The following GAB2 variants were observed in gnomAD, a reference collection of about 807,000 sequenced individuals.
GAB2 encodes the protein GRB2 associated binding protein 2, also known as GRB2-associated-binding protein 2.
In GAB2, 26 loss-of-function variants were observed where a neutral mutation model predicts 65.5. That is an observed-to-expected ratio of 0.40 (90% CI 0.29 to 0.55). The LOEUF (loss-of-function observed/expected upper bound fraction) is 0.55. Ranked by LOEUF, GAB2 falls within the 20% of genes least tolerant of loss-of-function variation. GAB2 has a pLI of 0.53. For synonymous variants in GAB2, 321 were observed against 329.6 expected (o/e 0.97, Z 0.28); for missense variants, 884 against 875.8 (o/e 1.01, Z -0.12).
chr11:78,335,478 C>A (rs1855982151), intron 1 of GAB2, among the ~76,000 whole-genome samples: 1 of 152,206 alleles, frequency 6.6e-6, no homozygotes, highest in Non-Finnish European at 1.5e-5. Flanking sequence ...GTTTTCCCAG[C>A]AACACTTACT....
intron 1 of GAB2, among the ~76,000 whole-genome samples, chr11:78,289,611 A>T (rs1866594140): frequency 6.6e-6 from 1 of 152,102 alleles, no homozygotes; most frequent in African/African-American, 2.4e-5. Flanking sequence ...ATATATCCCT[A>T]AAACTAGAAG....
At position 78,287,647 on chromosome 11, in the gene GAB2, T is replaced by C. The variant is rs144517052; in HGVS notation, c.76-6746A>G. 4.0e-3 allele frequency among the ~76,000 whole-genome samples: 579 copies of C among 144,582 alleles called. 7 individuals are homozygous for C. Among genetic ancestry groups the C allele is most frequent in the African/African-American group, 0.015 (555 of 37,996 alleles). The allele number at this position is 144,582 out of a possible 152,430, so 94.9% of individuals were successfully genotyped here. A position where few individuals can be genotyped will look rare whatever the true frequency, so the allele number is the denominator to read the frequency against. On this transcript the variant is annotated intron_variant, in intron 1 of 9. Transcript: ENST00000361507. ...AATAAGGCAAGGACATTTGCTCTTATCATTTTTTTTTTTTTTTTTGAGACA... is the reference window on the plus strand; with the variant it reads ...AATAAGGCAAGGACATTTGCTCTTACCATTTTTTTTTTTTTTTTTGAGACA...
In GAB2 at chr11:78,226,504, T is replaced by C. The variant is rs150757715; in HGVS notation, c.1168A>G (p.Asn390Asp). The change falls in exon 4 of 10, where the codon AAC becomes GAC. Residue 390 changes from asparagine to aspartate, a missense_variant. By Grantham distance (23) the Asn-to-Asp change is conservative. Coordinates refer to ENST00000361507, the MANE Select transcript of GAB2 (RefSeq NM_080491.3). Reference sequence around the variant, plus strand: ...CTGTTGTCCATTGCAGGGAGGGTGTTGCGTCTGGGGATGGTGGCAGCGACA... The same window carrying C: ...CTGTTGTCCATTGCAGGGAGGGTGTCGCGTCTGGGGATGGTGGCAGCGACA... ...RSVAATIPRR[N>D]TLPAMDNSRL... is the part of the protein sequence containing the mutation. The C allele has an allele frequency of 1.2e-6, 2 of 1,610,934 alleles. No homozygotes were observed. Among genetic ancestry groups the C allele is most frequent in the African/African-American group, 1.3e-5 (1 of 74,402 alleles).
intron 1 of GAB2, among the ~76,000 whole-genome samples, chr11:78,361,729 T>C (rs1469348453): frequency 6.6e-6 from 1 of 152,204 alleles, no homozygotes; most frequent in African/African-American, 2.4e-5. Flanking sequence ...TTGGTAATCA[T>C]CTTGGCAAGA....
intron 1 of GAB2, among the ~76,000 whole-genome samples, chr11:78,407,287 T>C (rs992364354): frequency 6.6e-6 from 1 of 151,800 alleles, no homozygotes; most frequent in African/African-American, 2.4e-5. Context: ...CCAAGACACA[T>C]AGCAAAATTC....
chr11:78,295,784 T>C (rs1340667898), intron 1 of GAB2, among the ~76,000 whole-genome samples: 2 of 152,156 alleles, frequency 1.3e-5, no homozygotes, highest in African/African-American at 4.8e-5. Context: ...AGAGTTTTGC[T>C]GGGTGAAGAA....
chr11:78,266,882 G>A (rs1265508003), intron 2 of GAB2, among the ~76,000 whole-genome samples: 1 of 152,240 alleles, frequency 6.6e-6, no homozygotes, highest in African/African-American at 2.4e-5. Flanking sequence ...TAAGGGCACT[G>A]AATACGTGAA....
At chr11:78,385,376 G>T (rs1197380512) in intron 1 of GAB2, among the ~76,000 whole-genome samples, 17 of 152,206 alleles carry the variant, frequency 1.1e-4, no homozygotes, top group Non-Finnish European at 2.5e-4. Flanking sequence ...ACACTGAAGA[G>T]AAACTCTATA....
rs1864522681 is a variant in GAB2 at position 78,223,417 on chromosome 11, C to T, written c.1562G>A (p.Arg521Gln). ...AGGGGAAAGAATGGACTTACCTTTC[C>T]GATCAGGTTTGAGGTTGCGGTTGAC... ...PPVNRNLKPD[R>Q]KAKPTPLDLR... Residue 521 changes from arginine to glutamine, a missense_variant, in exon 6 of 10, where the codon CGG becomes CAG. Arg to Gln is a conservative substitution (Grantham distance 43, BLOSUM62 1). Coordinates refer to ENST00000361507, the MANE Select transcript of GAB2 (RefSeq NM_080491.3). 3 of 1,523,384 alleles carry T rather than the reference C, an allele frequency of 2.0e-6. No individual in the cohort carries two copies. The highest frequency in any genetic ancestry group is 1.4e-5 in the African/African-American group (1 of 71,814). 94.4% of individuals were successfully genotyped at this position (1,523,384 alleles called of 1,614,324 possible).
At chr11:78,247,469 A>G (rs1217223259) in intron 3 of GAB2, among the ~76,000 whole-genome samples, 2 of 152,202 alleles carry the variant, frequency 1.3e-5, no homozygotes, top group African/African-American at 4.8e-5. Flanking sequence ...GCTGGGTCCA[A>G]AATATGGGTT....
chr11:78,281,217 A>G (rs982248225), intron 1 of GAB2, among the ~76,000 whole-genome samples: 1 of 150,572 alleles, frequency 6.6e-6, no homozygotes, highest in Non-Finnish European at 1.5e-5. Context: ...CTGGGATTAT[A>G]AGTATGAGCC....
chr11:78,238,416 G>C (rs1865044091), intron 3 of GAB2, among the ~76,000 whole-genome samples: 1 of 151,202 alleles, frequency 6.6e-6, no homozygotes, highest in African/African-American at 2.4e-5. Context: ...AGGATCTTGA[G>C]CCCAGGAGTT....
At position 78,309,971 on chromosome 11, in the gene GAB2, T is replaced by TGTGTGTGTGTGTGC. The variant is rs1421836447; in HGVS notation, c.76-29071_76-29070insGCACACACACACAC. Among the ~76,000 whole-genome samples the TGTGTGTGTGTGTGC allele has an allele frequency of 6.7e-5, 8 of 120,090 alleles. No individual in the cohort carries two copies. In the East Asian group the frequency reaches 6.9e-4, roughly 10 times the overall value. 78.8% of individuals were successfully genotyped at this position (120,090 alleles called of 152,430 possible). A position where few individuals can be genotyped will look rare whatever the true frequency, so the allele number is the denominator to read the frequency against. On this transcript the variant is annotated intron_variant, in intron 1 of 9. Transcript: ENST00000361507. ...GTGTGTGTGTGTGTGTGTGTGTGTG[T>TGTGTGTGTGTGTGC]GCGCGCGCGCCTGTGTGTGTGGTGG...
chr11:78,402,432 A>C (rs1191966103), intron 1 of GAB2, among the ~76,000 whole-genome samples: 1 of 151,990 alleles, frequency 6.6e-6, no homozygotes, highest in Non-Finnish European at 1.5e-5. Flanking sequence ...GTTTAAAAAA[A>C]ATTTTTTTTT....
intron 1 of GAB2, among the ~76,000 whole-genome samples, chr11:78,384,081 T>G (rs755920053): frequency 6.6e-6 from 1 of 152,180 alleles, no homozygotes; most frequent in Non-Finnish European, 1.5e-5. Context: ...GGAAGATCTA[T>G]TCATTGATTT....
At position 78,221,752 on chromosome 11, in the gene GAB2, C is replaced by T. The variant is rs2134455413; in HGVS notation, c.1686G>A (p.Gln562=). The T allele has an allele frequency of 6.2e-7, 1 of 1,613,554 alleles. No individual in the cohort carries two copies. Among genetic ancestry groups the T allele is most frequent in the Non-Finnish European group, 8.5e-7 (1 of 1,179,568 alleles). Residue 562 remains glutamine (Q), a synonymous_variant, in exon 8 of 10, where the codon CAG becomes CAA. Transcript: ENST00000361507. ...ANHTFNSSSS[Q]YCRPISTQSI... ...TCTGGGTGGAGATGGGGCGGCAGTA[C>T]TGGGAGGAGCTGGAGTTGAAGGTGT...
At chr11:78,410,227 G>A (rs1478570539) in intron 1 of GAB2, among the ~76,000 whole-genome samples, 2 of 152,244 alleles carry the variant, frequency 1.3e-5, no homozygotes, top group Non-Finnish European at 2.9e-5. Flanking sequence ...TCAGAGGCCA[G>A]GTGCAGCGGC....
chr11:78,362,138 G>T (rs1175567893), intron 1 of GAB2, among the ~76,000 whole-genome samples: 1 of 150,844 alleles, frequency 6.6e-6, no homozygotes, highest in East Asian at 1.9e-4. Context: ...AAATGGAGGA[G>T]TTAATACGTA....
chr11:78,361,825 T>A (rs901905159), intron 1 of GAB2, among the ~76,000 whole-genome samples: 1 of 152,144 alleles, frequency 6.6e-6, no homozygotes, highest in African/African-American at 2.4e-5. Context: ...ACCAAAAGTG[T>A]AAGAGTATAT....
Sources: allele counts gnomAD v4.1 joint callset (sites outside exome capture counted in the v4.1 genomes callset), GRCh38; gene constraint gnomAD v4.1.1; transcripts MANE v1.5; gene names NCBI Gene and HGNC (gene_info 2026-07-23, HGNC 2026-07-21).